CDC42SE2: variants seen among roughly 807,000 people sequenced by gnomAD.
CDC42SE2 encodes CDC42 small effector protein 2.
Under a neutral mutation model 11.5 loss-of-function variants are expected in CDC42SE2, and 3 were observed. The observed-to-expected ratio is 0.26, with a 90% CI of 0.12 to 0.67. The LOEUF (loss-of-function observed/expected upper bound fraction) is 0.67, where lower values mean the gene tolerates loss of function less well. Among genes scored for constraint, CDC42SE2 ranks in the 30% least tolerant of loss-of-function variants. The pLI is 0.80. For missense variants in CDC42SE2, 82 were observed against 106.8 expected, an observed-to-expected ratio of 0.77 and a Z score of 1.02; for synonymous variants, 33 against 34.8, an observed-to-expected ratio of 0.95 and a Z score of 0.18.
rs911864629 is a variant in CDC42SE2, at chr5:131,298,499, G to A, written c.-454-17477G>A. Reference sequence around the variant, plus strand: ...AACTGTGGATATTATTTAGTATGACGTCACAAATATAGGAATTCTTTTAGG... The same window carrying A: ...AACTGTGGATATTATTTAGTATGACATCACAAATATAGGAATTCTTTTAGG... On this transcript the variant is annotated intron_variant, in intron 1 of 4. Coordinates refer to ENST00000505065, the MANE Select transcript of CDC42SE2 (RefSeq NM_001375635.1). 4.0e-5 allele frequency among the ~76,000 whole-genome samples: 6 copies of A among 151,380 alleles called. 1 individual carries two copies. Among genetic ancestry groups the A allele is most frequent in the South Asian group, 4.2e-4 (2 of 4,804 alleles).
intron 2 of CDC42SE2, among the ~76,000 whole-genome samples, chr5:131,356,367 A>G (rs200695214): frequency 9.9e-5 from 15 of 152,224 alleles, no homozygotes; most frequent in Admixed American, 7.9e-4. Flanking sequence ...GAAGAATTCA[A>G]TACTTCCTTG....
At chr5:131,356,309 A>T (rs895687025) in intron 2 of CDC42SE2, among the ~76,000 whole-genome samples, 1 of 152,226 alleles carries the variant, frequency 6.6e-6, no homozygotes, top group African/African-American at 2.4e-5. Context: ...TCAAGAAGTG[A>T]AAGTAACTAT....
upstream of CDC42SE2, among the ~76,000 whole-genome samples, chr5:131,241,331 A>G (rs1756539508): frequency 6.6e-6 from 1 of 152,130 alleles, no homozygotes; most frequent in Non-Finnish European, 1.5e-5. Context: ...ATAAGCTGTC[A>G]TAATAATTTA....
intron 1 of CDC42SE2, among the ~76,000 whole-genome samples, chr5:131,293,336 C>T (rs1757501499): frequency 6.6e-6 from 1 of 151,980 alleles, no homozygotes; most frequent in Non-Finnish European, 1.5e-5. Context: ...CTTTGGGAGG[C>T]CAAGGCAGGC....
At chr5:131,239,492 C>G in the CDC42SE2 span, among the ~76,000 whole-genome samples, 4 of 152,116 alleles carry the variant, frequency 2.6e-5, no homozygotes, top group Admixed American at 1.3e-4. Flanking sequence ...GTTGCTTATC[C>G]TCCTGTTTAT....
intron 2 of CDC42SE2, among the ~76,000 whole-genome samples, chr5:131,347,479 A>G (rs1703962837): frequency 6.6e-6 from 1 of 152,176 alleles, no homozygotes; most frequent in Admixed American, 6.5e-5. Flanking sequence ...TAGACCAATA[A>G]CAGGCTCTGA....
intron 3 of CDC42SE2, among the ~76,000 whole-genome samples, chr5:131,361,959 T>C (rs1330476295): frequency 1.3e-5 from 2 of 152,150 alleles, no homozygotes; most frequent in Non-Finnish European, 2.9e-5. Context: ...CGTTTGGCTG[T>C]CTATGTGTCT....
At chr5:131,273,498 C>T (rs1368790082) in intron 1 of CDC42SE2, among the ~76,000 whole-genome samples, 6 of 148,094 alleles carry the variant, frequency 4.1e-5, no homozygotes, top group African/African-American at 9.9e-5. Flanking sequence ...TGGCCAGGCG[C>T]GGTGGCTCAT....
intron 2 of CDC42SE2, among the ~76,000 whole-genome samples, chr5:131,339,001 A>T (rs946310780): frequency 3.3e-5 from 5 of 152,090 alleles, no homozygotes; most frequent in African/African-American, 1.2e-4. Context: ...TAAACCCAGC[A>T]CTTTGGGAGA....
the CDC42SE2 span, among the ~76,000 whole-genome samples, chr5:131,222,372 C>T: frequency 5.3e-5 from 8 of 152,174 alleles, no homozygotes; most frequent in Non-Finnish European, 7.4e-5. Flanking sequence ...CCCCAGCTTC[C>T]TCTGTCCCTC....
At position 131,294,432 on chromosome 5, in the gene CDC42SE2, G is replaced by A. The variant is rs564258596; in HGVS notation, c.-454-21544G>A. On this transcript the variant is annotated intron_variant, in intron 1 of 4. Coordinates refer to ENST00000505065, the MANE Select transcript of CDC42SE2 (RefSeq NM_001375635.1). Reference sequence around the variant, plus strand: ...CATTCAATTATTGAATAAATACTGCGCACTAGCTATTTGCCAGACACTCAG... The same window carrying A: ...CATTCAATTATTGAATAAATACTGCACACTAGCTATTTGCCAGACACTCAG... 6.6e-5 allele frequency among the ~76,000 whole-genome samples: 10 copies of A among 152,216 alleles called. No individual in the cohort carries two copies. In the South Asian group the frequency reaches 8.3e-4, roughly 13 times the overall value.
intron 1 of CDC42SE2, among the ~76,000 whole-genome samples, chr5:131,297,486 G>A (rs916281763): frequency 2.6e-5 from 4 of 152,004 alleles, no homozygotes; most frequent in East Asian, 1.9e-4. Context: ...TTGGGAGGCC[G>A]AGGCGGGTGG....
intron 2 of CDC42SE2, chr5:131,354,772 G>A (rs1472449125): frequency 6.6e-6 from 1 of 152,076 alleles, no homozygotes; most frequent in Non-Finnish European, 1.5e-5. Flanking sequence ...AATACAAGGT[G>A]AGCATCCAAA....
intron 4 of CDC42SE2, among the ~76,000 whole-genome samples, chr5:131,389,752 C>G (rs962653248): frequency 1.3e-5 from 2 of 152,166 alleles, no homozygotes; most frequent in Non-Finnish European, 2.9e-5. Context: ...TGCCCCGGTT[C>G]CTTCCAAATT....
the CDC42SE2 span, among the ~76,000 whole-genome samples, chr5:131,234,213 C>A: frequency 6.6e-6 from 1 of 152,130 alleles, no homozygotes; most frequent in Non-Finnish European, 1.5e-5. Flanking sequence ...TGATTAGAAA[C>A]ATTTGTTGTT....
At chr5:131,283,307 A>G (rs1057388004) in intron 1 of CDC42SE2, among the ~76,000 whole-genome samples, 1 of 152,288 alleles carries the variant, frequency 6.6e-6, no homozygotes, top group African/African-American at 2.4e-5. Flanking sequence ...AAACAAAATG[A>G]GTAGTCATTT....
chr5:131,335,322 G>T (rs986303449), intron 2 of CDC42SE2, among the ~76,000 whole-genome samples: 2 of 152,186 alleles, frequency 1.3e-5, no homozygotes, highest in African/African-American at 2.4e-5. Flanking sequence ...TTGCACTGTG[G>T]TCTGAGAGAC....
chr5:131,240,263 A>G, the CDC42SE2 span, among the ~76,000 whole-genome samples: 1 of 152,196 alleles, frequency 6.6e-6, no homozygotes, highest in African/African-American at 2.4e-5. Flanking sequence ...CATTCTAGTC[A>G]TTCATTCATA....
Position 131,268,772 on chromosome 5 carries a change from TTTTG to T in CDC42SE2, c.-455+4607_-455+4610del, listed in dbSNP as rs1352720195. On this transcript the variant is annotated intron_variant, in intron 1 of 4. Transcript: ENST00000505065. ...CGGATTGCTTTTTTTTTTTTTTTTTTTTTGAGACAGAGTCTGTCGCCAGGCTGGA... is the reference window on the plus strand; with the variant it reads ...CGGATTGCTTTTTTTTTTTTTTTTTTAGACAGAGTCTGTCGCCAGGCTGGA... 4.7e-5 allele frequency among the ~76,000 whole-genome samples: 7 copies of T among 148,198 alleles called. No individual in the cohort carries two copies. In the East Asian group the frequency reaches 9.9e-4, roughly 21 times the overall value.
Sources: allele counts gnomAD v4.1 joint callset (sites outside exome capture counted in the v4.1 genomes callset), GRCh38; gene constraint gnomAD v4.1.1; transcripts MANE v1.5; gene names NCBI Gene and HGNC (gene_info 2026-07-23, HGNC 2026-07-21).